The following WDR25 variants were observed in gnomAD, a reference collection of about 807,000 sequenced individuals.
WDR25 encodes the protein WD repeat-containing protein 25.
In WDR25, 35 loss-of-function variants were observed where a neutral mutation model predicts 47.7. That is an observed-to-expected ratio of 0.73 (90% confidence interval 0.56 to 0.97). The LOEUF is 0.97. WDR25 is among the 50% of genes least tolerant of loss of function. The pLI is 0.00. For missense variants in WDR25, 634 were observed against 704.7 expected, an observed-to-expected ratio of 0.90 and a Z score of 1.14; for synonymous variants, 248 against 278.9, an observed-to-expected ratio of 0.89 and a Z score of 1.10.
In WDR25 at chr14:100,471,395, C is replaced by T. The variant is rs1270182164; in HGVS notation, c.970+3227C>T. Among the ~76,000 whole-genome samples, 3 of 152,340 alleles carry T rather than the reference C, an allele frequency of 2.0e-5. No individual in the cohort carries two copies. In the East Asian group the frequency reaches 5.8e-4, roughly 29 times the overall value. ...CCACCTATGTCTCCCCCTATGTCTCCTACCTTATCTCTGCACATCCCACCT... is the reference window on the plus strand; with the variant it reads ...CCACCTATGTCTCCCCCTATGTCTCTTACCTTATCTCTGCACATCCCACCT... On this transcript the variant is annotated intron_variant, in intron 3 of 6. Coordinates refer to ENST00000402312, the MANE Select transcript of WDR25 (RefSeq NM_001161476.3).
intron 2 of WDR25, among the ~76,000 whole-genome samples, chr14:100,399,658 A>G (rs957021790): frequency 6.6e-6 from 1 of 152,216 alleles, no homozygotes; most frequent in Non-Finnish European, 1.5e-5. Context: ...GGATGCTTCT[A>G]ACGATGATGA....
chr14:100,526,463 GT>G (rs1388318523), intron 5 of WDR25, among the ~76,000 whole-genome samples: 1 of 152,118 alleles, frequency 6.6e-6, no homozygotes, highest in East Asian at 1.9e-4. Context: ...CTGCATTAAG[GT>G]TTTGGATTCA....
chr14:100,386,425 T>C (rs1897019260), intron 2 of WDR25, among the ~76,000 whole-genome samples: 1 of 152,222 alleles, frequency 6.6e-6, no homozygotes, highest in South Asian at 2.1e-4. Context: ...TTTTCTACCT[T>C]ATTAAAAACT....
In WDR25 at chr14:100,437,191, C is replaced by G. The variant is rs1898525808; in HGVS notation, c.823-30830C>G. ...TGGAGCCCAGAGCAGGGACTTCTTT[C>G]CAGGGCCCAACCCACACGTTGGTCT... is the stretch of plus-strand genomic sequence containing the variant. On this transcript the variant is annotated intron_variant, in intron 2 of 6. Transcript: ENST00000402312. 2.0e-5 allele frequency among the ~76,000 whole-genome samples: 3 copies of G among 152,146 alleles called. 1 individual carries two copies. The highest frequency in any genetic ancestry group is 4.1e-4 in the South Asian group (2 of 4,832).
chr14:100,460,420 A>T (rs1899371299), intron 2 of WDR25, among the ~76,000 whole-genome samples: 1 of 152,140 alleles, frequency 6.6e-6, no homozygotes. Flanking sequence ...CTGATACAAA[A>T]TTTTTAAATA....
intron 3 of WDR25, among the ~76,000 whole-genome samples, chr14:100,479,784 A>G (rs955471791): frequency 3.3e-5 from 5 of 152,116 alleles, no homozygotes; most frequent in African/African-American, 1.2e-4. Flanking sequence ...GCAGGAGGTG[A>G]GCAGTGGGTG....
At chr14:100,418,337 G>A (rs1433306978) in intron 2 of WDR25, among the ~76,000 whole-genome samples, 1 of 150,342 alleles carries the variant, frequency 6.7e-6, no homozygotes, top group Non-Finnish European at 1.5e-5. Context: ...TGCAACTATT[G>A]AAAGTGAAAA....
chr14:100,470,635 T>A (rs530503101), intron 3 of WDR25, among the ~76,000 whole-genome samples: 1 of 152,046 alleles, frequency 6.6e-6, no homozygotes, highest in East Asian at 1.9e-4. Context: ...CAGGCAAGAG[T>A]CAGGGCTTGG....
rs566196736 is a variant in WDR25, at chr14:100,516,936, T to C, written c.1102-8934T>C. ...TATTTTATTATTTGTCTCTGTTTTT[T>C]TTTTTTTTAAAGGAGATGGGATCTC... is the stretch of plus-strand genomic sequence containing the variant. On this transcript the variant is annotated intron_variant, in intron 4 of 6. Transcript: ENST00000402312. Among the ~76,000 whole-genome samples the C allele has an allele frequency of 9.9e-5, 15 of 151,632 alleles. 1 individual carries two copies. The South Asian group carries it at 2.7e-3, about 27-fold the overall frequency.
intron 2 of WDR25, among the ~76,000 whole-genome samples, chr14:100,416,546 C>A (rs777393121): frequency 6.6e-6 from 1 of 152,170 alleles, no homozygotes; most frequent in Non-Finnish European, 1.5e-5. Context: ...CCCTTTTAGG[C>A]CTTTTCCCTT....
chr14:100,508,898 T>C (rs1350872101), intron 4 of WDR25, among the ~76,000 whole-genome samples: 1 of 152,220 alleles, frequency 6.6e-6, no homozygotes, highest in African/African-American at 2.4e-5. Flanking sequence ...TGAATTACAT[T>C]GATTTTTTTT....
intron 5 of WDR25, among the ~76,000 whole-genome samples, chr14:100,526,434 G>T (rs1023411169): frequency 6.6e-6 from 1 of 152,076 alleles, no homozygotes; most frequent in Non-Finnish European, 1.5e-5. Context: ...TCAGAGCAGG[G>T]GCCCCACAGT....
Position 100,525,966 on chromosome 14 carries a change from C to A in WDR25, c.1198C>A (p.Arg400=). ...CCTGAGCAGCACAGACGCTTCCACC[C>A]GGGACTCAGCTGACCGCACCATTAT... ...EFLSSTDAST[R]DSADRTIIAW... Residue 400 remains arginine (R), a synonymous_variant, in exon 5 of 7, where the codon CGG becomes AGG. Transcript: ENST00000402312. This position sits in a 1 kb window ranked among gnomAD's most constrained non-coding sequence, Gnocchi z 4.6. 8 of 1,614,056 alleles carry A rather than the reference C, an allele frequency of 5.0e-6. No homozygotes were observed. The highest frequency in any genetic ancestry group is 6.8e-6 in the Non-Finnish European group (8 of 1,179,984).
chr14:100,433,354 C>T (rs1482422384), intron 2 of WDR25, among the ~76,000 whole-genome samples: 2 of 152,220 alleles, frequency 1.3e-5, no homozygotes, highest in Non-Finnish European at 2.9e-5. Flanking sequence ...CAGGAGTGTT[C>T]CGGGTGATGC....
At chr14:100,436,982 T>A (rs755933411) in intron 2 of WDR25, among the ~76,000 whole-genome samples, 3 of 152,144 alleles carry the variant, frequency 2.0e-5, no homozygotes, top group Non-Finnish European at 4.4e-5. Flanking sequence ...ACAGTTAGAG[T>A]CTTGCCTAGA....
intron 3 of WDR25, among the ~76,000 whole-genome samples, chr14:100,470,601 C>A (rs1031671545): frequency 6.6e-6 from 1 of 152,204 alleles, no homozygotes; most frequent in African/African-American, 2.4e-5. Flanking sequence ...AGCTGGCGGG[C>A]AGAGGCCATT....
chr14:100,432,816 T>G (rs896033794), intron 2 of WDR25, among the ~76,000 whole-genome samples: 6 of 152,220 alleles, frequency 3.9e-5, no homozygotes, highest in Non-Finnish European at 8.8e-5. Context: ...TGTTAGACAG[T>G]GTTGTGGTGG....
chr14:100,475,901 A>T lies in WDR25; in HGVS notation c.970+7733A>T, dbSNP rs547103330. The stretch of plus-strand genomic sequence containing the variant: ...GTACCCCCAAATATATATATATATA[A>T]AATTATTTATCAATTAAAATTAATT... On this transcript the variant is annotated intron_variant, in intron 3 of 6. Coordinates refer to ENST00000402312, the MANE Select transcript of WDR25 (RefSeq NM_001161476.3). Among the ~76,000 whole-genome samples the T allele has an allele frequency of 6.0e-3, 902 of 150,750 alleles. 2 individuals carry two copies. The highest frequency in any genetic ancestry group is 8.9e-3 in the Non-Finnish European group (605 of 67,848).
At position 100,500,750 on chromosome 14, in the gene WDR25, G is replaced by A. The variant is rs1219070966; in HGVS notation, c.1101+16626G>A. Among the ~76,000 whole-genome samples the A allele has an allele frequency of 6.6e-6, 1 of 152,208 alleles. No homozygotes were observed. The highest frequency in any genetic ancestry group is 1.5e-5 in the Non-Finnish European group (1 of 68,038). ...GGAGGAGGCAGCTGCAGGTGGTACTGCGAGGCAGGGGCCTGGGCTTTTCAG... is the reference window on the plus strand; with the variant it reads ...GGAGGAGGCAGCTGCAGGTGGTACTACGAGGCAGGGGCCTGGGCTTTTCAG... On this transcript the variant is annotated intron_variant, in intron 4 of 6. Transcript: ENST00000402312. This position sits in a 1 kb window ranked among gnomAD's most constrained non-coding sequence, Gnocchi z 4.7.
Sources: allele counts gnomAD v4.1 joint callset (sites outside exome capture counted in the v4.1 genomes callset), GRCh38; gene constraint gnomAD v4.1.1; non-coding constraint Gnocchi (gnomAD v3.1); transcripts MANE v1.5; gene names NCBI Gene and HGNC (gene_info 2026-07-23, HGNC 2026-07-21).